The following TMEM272 variants were observed in gnomAD, a reference collection of about 807,000 sequenced individuals.
TMEM272 encodes long intergenic non-protein coding RNA 282.
TMEM272 carries 8 observed loss-of-function variants against 3.7 expected under a neutral mutation model. The observed-to-expected ratio is 2.17, with a 90% CI of 1.27 to 3.91. TMEM272 has a LOEUF of 3.91. Ranked by LOEUF, TMEM272 falls within the 30% of genes most tolerant of loss-of-function variation. The probability of loss-of-function intolerance (pLI) is 0.00; values close to 1 mark genes in which losing one functional copy is unlikely to be tolerated. For synonymous variants in TMEM272, 63 were observed against 39.8 expected (o/e 1.58, Z -2.20); for missense variants, 166 against 91.5 (o/e 1.81, Z -3.32).
the TMEM272 span, among the ~76,000 whole-genome samples, chr13:51,888,219 T>A: frequency 7.2e-5 from 11 of 151,736 alleles, no homozygotes; most frequent in East Asian, 2.2e-3. Flanking sequence ...CTAATTTTTG[T>A]ATTTTTAGTA....
chr13:51,868,601 C>T, the TMEM272 span, among the ~76,000 whole-genome samples: 1 of 152,208 alleles, frequency 6.6e-6, no homozygotes, highest in East Asian at 1.9e-4. Flanking sequence ...CAGCAGCAGC[C>T]AAAGCTGGCT....
chr13:51,901,907 C>A, the TMEM272 span, among the ~76,000 whole-genome samples: 1 of 152,176 alleles, frequency 6.6e-6, no homozygotes, highest in Non-Finnish European at 1.5e-5. Flanking sequence ...ATTGGGTTAC[C>A]CAGTCCAGAG....
chr13:51,813,597 C>A lies in TMEM272; in HGVS notation c.*3154G>T. On this transcript the variant is annotated 3_prime_UTR_variant, in exon 5 of 5. Coordinates refer to ENST00000629372, the MANE Select transcript of TMEM272 (RefSeq NM_001351003.2). ...TGCACACATGCGGTTTCTCTGGCCA[C>A]CGAATCAGAACCAGCTGGGCCCCAC... 1 of 234,596 alleles carries A rather than the reference C, an allele frequency of 4.3e-6. No homozygotes were observed. The highest frequency in any genetic ancestry group is 8.2e-6 in the Non-Finnish European group (1 of 122,290). 14.5% of individuals were successfully genotyped at this position (234,596 alleles called of 1,614,324 possible). A position where few individuals can be genotyped will look rare whatever the true frequency, so the allele number is the denominator to read the frequency against.
At chr13:51,861,855 G>A in the TMEM272 span, 2 of 152,442 alleles carry the variant, frequency 1.3e-5, no homozygotes, top group African/African-American at 2.4e-5. Flanking sequence ...AGCAAGAGAA[G>A]TGATTCATCC....
At chr13:51,932,449 C>G in the TMEM272 span, 1 of 152,294 alleles carries the variant, frequency 6.6e-6, no homozygotes, top group South Asian at 2.1e-4. Flanking sequence ...GCGTTCTCCC[C>G]ACACGCCGCT....
the TMEM272 span, among the ~76,000 whole-genome samples, chr13:51,881,838 A>G: frequency 2.0e-5 from 3 of 152,160 alleles, no homozygotes; most frequent in African/African-American, 7.2e-5. Flanking sequence ...TGAGAAATAA[A>G]TTTCTGTTAC....
the TMEM272 span, among the ~76,000 whole-genome samples, chr13:51,897,221 T>C: frequency 1.3e-5 from 2 of 152,070 alleles, no homozygotes; most frequent in African/African-American, 2.4e-5. Flanking sequence ...TAAGACATTG[T>C]CTTTTTTTTA....
At chr13:51,879,855 G>A in the TMEM272 span, among the ~76,000 whole-genome samples, 3 of 152,192 alleles carry the variant, frequency 2.0e-5, no homozygotes, top group Non-Finnish European at 4.4e-5. Context: ...GGAATGTGGA[G>A]AAAGGTCATT....
chr13:51,923,217 G>A, the TMEM272 span, among the ~76,000 whole-genome samples: 7 of 152,166 alleles, frequency 4.6e-5, no homozygotes, highest in Non-Finnish European at 2.9e-5. Flanking sequence ...TGCCAGCAGG[G>A]ATGGGAGACT....
the TMEM272 span, among the ~76,000 whole-genome samples, chr13:51,898,773 T>C: frequency 4.0e-5 from 6 of 151,840 alleles, no homozygotes; most frequent in Non-Finnish European, 8.8e-5. Context: ...TTAAATGTGT[T>C]CCAGGAGAGG....
chr13:51,874,415 T>C, the TMEM272 span, among the ~76,000 whole-genome samples: 1 of 152,310 alleles, frequency 6.6e-6, no homozygotes, highest in East Asian at 1.9e-4. Context: ...CCTCAGTGCC[T>C]AGCAAATCTT....
chr13:51,844,202 A>G (rs1956284642), intron 1 of TMEM272, among the ~76,000 whole-genome samples: 1 of 152,130 alleles, frequency 6.6e-6, no homozygotes, highest in African/African-American at 2.4e-5. Context: ...AACAGTAAAC[A>G]TATATATATG....
chr13:51,850,362 C>T, the TMEM272 span, among the ~76,000 whole-genome samples: 1 of 152,080 alleles, frequency 6.6e-6, no homozygotes, highest in Non-Finnish European at 1.5e-5. Flanking sequence ...ATGCTATCCA[C>T]TTCTTTATTT....
the TMEM272 span, among the ~76,000 whole-genome samples, chr13:51,917,025 T>C: frequency 1.3e-5 from 2 of 152,180 alleles, no homozygotes; most frequent in African/African-American, 2.4e-5. Flanking sequence ...AAGGCCCCGT[T>C]AACGCTAACC....
the TMEM272 span, among the ~76,000 whole-genome samples, chr13:51,897,174 G>A: frequency 6.6e-6 from 1 of 152,316 alleles, no homozygotes; most frequent in East Asian, 1.9e-4. Context: ...AAGGCTGAAA[G>A]GACTGCAGGT....
At chr13:51,885,989 C>T in the TMEM272 span, among the ~76,000 whole-genome samples, 1 of 152,216 alleles carries the variant, frequency 6.6e-6, no homozygotes, top group Non-Finnish European at 1.5e-5. Flanking sequence ...ATGATGTTTC[C>T]TGGATCACTC....
the TMEM272 span, among the ~76,000 whole-genome samples, chr13:51,872,885 G>A: frequency 2.0e-5 from 3 of 152,186 alleles, no homozygotes; most frequent in East Asian, 1.9e-4. Flanking sequence ...GAATAAAGGC[G>A]TTTTTCAGGC....
At chr13:51,836,589 C>CA (rs1339522166) in intron 2 of TMEM272, among the ~76,000 whole-genome samples, 3 of 152,218 alleles carry the variant, frequency 2.0e-5, no homozygotes, top group African/African-American at 7.2e-5. Context: ...ACCTGTCCCT[C>CA]ACTGGTAATG....
the TMEM272 span, chr13:51,910,729 G>A: frequency 1.3e-5 from 5 of 379,278 alleles, no homozygotes; most frequent in African/African-American, 1.1e-4. Context: ...TCTGCGCCAG[G>A]CAACCGGAGC....
Sources: allele counts gnomAD v4.1 joint callset (sites outside exome capture counted in the v4.1 genomes callset), GRCh38; gene constraint gnomAD v4.1.1; transcripts MANE v1.5; gene names NCBI Gene and HGNC (gene_info 2026-07-23, HGNC 2026-07-21).